Variants in MGST2 observed in about 807,000 individuals in gnomAD.
The protein encoded by MGST2 is microsomal glutathione S-transferase 2.
MGST2 carries 9 observed loss-of-function variants against 16.6 expected under a neutral mutation model. That is an observed-to-expected ratio of 0.54 (90% CI 0.33 to 0.95). The LOEUF (loss-of-function observed/expected upper bound fraction) is 0.95, where lower values mean the gene tolerates loss of function less well. MGST2 is among the 40% of genes least tolerant of loss of function. The pLI is 0.03. For missense variants in MGST2, 159 were observed against 175.1 expected, an observed-to-expected ratio of 0.91 and a Z score of 0.52; for synonymous variants, 79 against 68.0, an observed-to-expected ratio of 1.16 and a Z score of -0.79.
At chr4:139,675,444 G>A (rs1185126273) in intron 1 of MGST2, among the ~76,000 whole-genome samples, 1 of 152,188 alleles carries the variant, frequency 6.6e-6, no homozygotes, top group Non-Finnish European at 1.5e-5. Context: ...AGATGAAGGT[G>A]GTCCCAGGCA....
intron 5 of MGST2, among the ~76,000 whole-genome samples, chr4:139,736,820 G>A (rs1019695873): frequency 6.6e-6 from 1 of 152,076 alleles, no homozygotes; most frequent in Non-Finnish European, 1.5e-5. Context: ...GAATCATTGG[G>A]GCAAATAATC....
At chr4:139,730,346 C>T in intron 5 of MGST2, 1 of 1,390,696 alleles carries the variant, frequency 7.2e-7, no homozygotes, top group Non-Finnish European at 9.9e-7. Context: ...CACTTCCTCA[C>T]AGGCAGCAGG....
intron 3 of MGST2, among the ~76,000 whole-genome samples, chr4:139,697,409 A>T (rs1418235715): frequency 6.6e-6 from 1 of 152,104 alleles, no homozygotes; most frequent in Non-Finnish European, 1.5e-5. Context: ...CTGGGAACTC[A>T]TGTATTGCTT....
intron 2 of MGST2, among the ~76,000 whole-genome samples, chr4:139,686,762 G>T (rs1041116243): frequency 6.6e-6 from 1 of 152,130 alleles, no homozygotes; most frequent in African/African-American, 2.4e-5. Context: ...TACATTAAAA[G>T]GCTAAAACTT....
At chr4:139,741,624 G>A (rs1239744740), downstream of MGST2, among the ~76,000 whole-genome samples, 1 of 152,102 alleles carries the variant, frequency 6.6e-6, no homozygotes, top group African/African-American at 2.4e-5. Context: ...GTGTGCACCT[G>A]TAGTCCCAAT....
chr4:139,697,582 G>A (rs1288602493), intron 3 of MGST2, among the ~76,000 whole-genome samples: 2 of 151,962 alleles, frequency 1.3e-5, no homozygotes, highest in Non-Finnish European at 2.9e-5. Context: ...GCTTTTTCTC[G>A]AATCCTATTA....
intron 3 of MGST2, among the ~76,000 whole-genome samples, chr4:139,696,948 A>T (rs1381249868): frequency 6.6e-6 from 1 of 151,962 alleles, no homozygotes; most frequent in East Asian, 1.9e-4. Flanking sequence ...GGGCAAGTAG[A>T]CTACTTTTAT....
At chr4:139,674,502 A>G (rs973118493) in intron 1 of MGST2, among the ~76,000 whole-genome samples, 2 of 148,708 alleles carry the variant, frequency 1.3e-5, no homozygotes, top group Non-Finnish European at 3.0e-5. Flanking sequence ...TCTGGTGTCT[A>G]GGCAAAGTGG....
At chr4:139,738,377 C>T (rs551537314) in intron 5 of MGST2, among the ~76,000 whole-genome samples, 28 of 152,294 alleles carry the variant, frequency 1.8e-4, no homozygotes, top group South Asian at 4.1e-4. Context: ...AACCCCATCT[C>T]TACTAAAATA....
intron 3 of MGST2, among the ~76,000 whole-genome samples, chr4:139,700,507 G>A (rs967640814): frequency 1.3e-5 from 2 of 152,148 alleles, no homozygotes; most frequent in African/African-American, 4.8e-5. Flanking sequence ...CTTCATATGA[G>A]GGAGGGTCTA....
At chr4:139,726,049 C>G (rs2110973919) in intron 5 of MGST2, among the ~76,000 whole-genome samples, 1 of 152,344 alleles carries the variant, frequency 6.6e-6, no homozygotes, top group Middle Eastern at 3.4e-3. Flanking sequence ...GCCCCCACAT[C>G]AAGAAACAGA....
chr4:139,729,392 G>A (rs1310587446), intron 5 of MGST2, among the ~76,000 whole-genome samples: 1 of 152,102 alleles, frequency 6.6e-6, no homozygotes, highest in Admixed American at 6.5e-5. Flanking sequence ...GGCTGAGATG[G>A]GAGGATCGCT....
At chr4:139,666,252 C>T (rs1355794292) in intron 1 of MGST2, among the ~76,000 whole-genome samples, 175 bp downstream of exon 1, 2 of 151,964 alleles carry the variant, frequency 1.3e-5, no homozygotes, top group Non-Finnish European at 2.9e-5. Flanking sequence ...TCACCCATGC[C>T]GCCTGCTACC....
At position 139,715,075 on chromosome 4, in the gene MGST2, ACTCTAACTCTCCTAAGTCGGGC is replaced by A. The variant is rs891439039; in HGVS notation, c.*48+10887_*48+10908del. Among the ~76,000 whole-genome samples, 9 of 152,078 alleles carry A rather than the reference ACTCTAACTCTCCTAAGTCGGGC, an allele frequency of 5.9e-5. No homozygotes were observed. The highest frequency in any genetic ancestry group is 3.9e-4 in the Admixed American group (6 of 15,276). ...TCTAACCCGCTAAATCTTAGAAGGGACTCTAACTCTCCTAAGTCGGGCCTCTAACCAGAGGTCGGTCAAGCAT... is the reference window on the plus strand; with the variant it reads ...TCTAACCCGCTAAATCTTAGAAGGGACTCTAACCAGAGGTCGGTCAAGCAT... On this transcript the variant is annotated intron_variant, in intron 5 of 5. Coordinates refer to the MGST2 transcript ENST00000616265. The surrounding 1 kb of genome is among the most constrained non-coding windows in gnomAD (Gnocchi z 4.4).
chr4:139,667,469 G>T (rs1730426402), intron 1 of MGST2, among the ~76,000 whole-genome samples: 1 of 133,546 alleles, frequency 7.5e-6, no homozygotes, highest in South Asian at 2.7e-4. Flanking sequence ...ACTGGGGCCA[G>T]AATGTTAGGG....
intron 2 of MGST2, 189 bp downstream of exon 2, chr4:139,678,831 T>C: frequency 1.6e-6 from 1 of 631,230 alleles, no homozygotes; most frequent in South Asian, 1.8e-5. Context: ...ATGAAGTCTC[T>C]GCCCACATCT....
intron 2 of MGST2, among the ~76,000 whole-genome samples, chr4:139,687,932 A>G (rs1468090560): frequency 2.0e-5 from 3 of 152,196 alleles, no homozygotes; most frequent in Admixed American, 6.5e-5. Context: ...AGCAACTATA[A>G]TTTCACCAAG....
intron 2 of MGST2, among the ~76,000 whole-genome samples, chr4:139,684,564 C>A (rs1182443941): frequency 1.3e-5 from 2 of 152,202 alleles, no homozygotes; most frequent in African/African-American, 4.8e-5. Context: ...GCTCCATGTG[C>A]ATGGCTGGGG....
intron 3 of MGST2, among the ~76,000 whole-genome samples, chr4:139,699,345 G>C (rs914498895): frequency 6.6e-6 from 1 of 152,124 alleles, no homozygotes; most frequent in Non-Finnish European, 1.5e-5. Flanking sequence ...TGTATGCTTT[G>C]ATAAATTTTA....
Sources: gnomAD v4.1 joint callset for allele counts (sites outside exome capture counted in the v4.1 genomes callset) on GRCh38, gnomAD v4.1.1 for gene constraint, Gnocchi (gnomAD v3.1) non-coding constraint, MANE v1.5 for transcripts, NCBI Gene and HGNC (gene_info 2026-07-23, HGNC 2026-07-21) for gene names.